Variants in PAPPA2 observed in about 807,000 individuals in gnomAD.
The protein encoded by PAPPA2 is pappalysin-2.
In PAPPA2, 86 loss-of-function variants were observed where a neutral mutation model predicts 176.4. The ratio of observed to expected loss-of-function variants is 0.49; its 90% CI spans 0.41 to 0.58. The LOEUF (loss-of-function observed/expected upper bound fraction) is 0.58. Ranked by LOEUF, PAPPA2 falls within the 20% of genes least tolerant of loss-of-function variation. PAPPA2 has a pLI of 0.00. For missense variants in PAPPA2, 2,073 were observed against 2,256.9 expected, an observed-to-expected ratio of 0.92 and a Z score of 1.65; for synonymous variants, 809 against 852.2, an observed-to-expected ratio of 0.95 and a Z score of 0.88.
intron 1 of PAPPA2, among the ~76,000 whole-genome samples, chr1:176,538,826 AT>A (rs1481164234): frequency 6.6e-6 from 1 of 152,230 alleles, no homozygotes; most frequent in Non-Finnish European, 1.5e-5. Flanking sequence ...AGGCAGACTC[AT>A]AAAAGAAGCC....
chr1:176,641,623 G>A (rs1489269510), intron 3 of PAPPA2, among the ~76,000 whole-genome samples: 1 of 152,110 alleles, frequency 6.6e-6, no homozygotes, highest in African/African-American at 2.4e-5. Flanking sequence ...GTCAGGTAGT[G>A]TGATGCCTCC....
chr1:176,555,160 T>C (rs1442938196), intron 1 of PAPPA2, among the ~76,000 whole-genome samples: 1 of 152,104 alleles, frequency 6.6e-6, no homozygotes, highest in East Asian at 1.9e-4. Context: ...CCCTGTGCCT[T>C]GGTGAGGTGG....
At chr1:176,554,000 C>G (rs1337673739) in intron 1 of PAPPA2, among the ~76,000 whole-genome samples, 1 of 151,472 alleles carries the variant, frequency 6.6e-6, no homozygotes, top group Non-Finnish European at 1.5e-5. Context: ...AAAACTGAGT[C>G]AAAAGTAAAG....
chr1:176,531,885 T>C (rs12025499), intron 1 of PAPPA2, among the ~76,000 whole-genome samples: 95,795 of 152,110 alleles, frequency 0.63, 31,883 homozygotes, highest in East Asian at 0.95. Flanking sequence ...CTGGCACATG[T>C]GGGCACTGAC....
chr1:176,661,359 CTA>C (rs1449950655), intron 3 of PAPPA2, among the ~76,000 whole-genome samples: 1 of 151,786 alleles, frequency 6.6e-6, no homozygotes. Flanking sequence ...ACATCTAGAA[CTA>C]TCTCTCAGAA....
chr1:176,536,747 G>A (rs1650083758), intron 1 of PAPPA2, among the ~76,000 whole-genome samples: 1 of 152,146 alleles, frequency 6.6e-6, no homozygotes, highest in African/African-American at 2.4e-5. Flanking sequence ...GGTCACATTT[G>A]CTAACATCCC....
rs561729834 is a variant in PAPPA2, at chr1:176,539,388, C to G, written c.-916-16019C>G. 7.2e-5 allele frequency among the ~76,000 whole-genome samples: 11 copies of G among 152,290 alleles called. No individual in the cohort carries two copies. The South Asian group carries it at 2.1e-3, about 29-fold the overall frequency. ...ATCCAGCAGGAGCCACAGATGCCAC[C>G]CTCAGCAGAGGAAATCCCTTACACA... is the stretch of plus-strand genomic sequence containing the variant. On this transcript the variant is annotated intron_variant, in intron 1 of 22. Coordinates refer to ENST00000367662, the MANE Select transcript of PAPPA2 (RefSeq NM_020318.3).
rs371073030 is a variant in PAPPA2 at position 176,664,282 on chromosome 1, A to T, written c.1992-6688A>T. Among the ~76,000 whole-genome samples the T allele has an allele frequency of 1.1e-4, 16 of 152,308 alleles. No homozygotes were observed. In the East Asian group the frequency reaches 1.4e-3, roughly 13 times the overall value. On this transcript the variant is annotated intron_variant, in intron 3 of 22. Coordinates refer to ENST00000367662, the MANE Select transcript of PAPPA2 (RefSeq NM_020318.3). ...AAGATCAGGATGTCAACAAGGCTGCATGCCTTTGTGGAAGTTCTAGAGGAC... is the reference window on the plus strand; with the variant it reads ...AAGATCAGGATGTCAACAAGGCTGCTTGCCTTTGTGGAAGTTCTAGAGGAC...
intron 6 of PAPPA2, among the ~76,000 whole-genome samples, chr1:176,692,690 T>C (rs1044755194): frequency 1.1e-4 from 17 of 152,192 alleles, no homozygotes; most frequent in Non-Finnish European, 5.9e-5. Context: ...GGGGAGGGAT[T>C]ACAGCATGCT....
chr1:176,712,095 T>G, intron 12 of PAPPA2, 114 bp downstream of exon 12: 1 of 1,303,722 alleles, frequency 7.7e-7, no homozygotes, highest in Non-Finnish European at 1.0e-6. Context: ...GAAAATTTTC[T>G]TTTGTTATCT....
chr1:176,606,754 T>C (rs1311935375), intron 3 of PAPPA2, among the ~76,000 whole-genome samples: 1 of 152,214 alleles, frequency 6.6e-6, no homozygotes, highest in Non-Finnish European at 1.5e-5. Flanking sequence ...TGAGCCACCA[T>C]GCCTGGCTGA....
chr1:176,583,922 G>T (rs1653133157), intron 2 of PAPPA2, among the ~76,000 whole-genome samples: 1 of 152,130 alleles, frequency 6.6e-6, no homozygotes, highest in African/African-American at 2.4e-5. Context: ...AGATGTGGTG[G>T]CATACACCTA....
At chr1:176,618,143 A>G (rs1182700040) in intron 3 of PAPPA2, among the ~76,000 whole-genome samples, 5 of 152,200 alleles carry the variant, frequency 3.3e-5, no homozygotes, top group African/African-American at 1.2e-4. Flanking sequence ...CCCAGTAAGT[A>G]CTGATTAGTG....
intron 4 of PAPPA2, among the ~76,000 whole-genome samples, chr1:176,676,646 A>G (rs577263568): frequency 1.3e-5 from 2 of 152,208 alleles, no homozygotes; most frequent in African/African-American, 4.8e-5. Flanking sequence ...AGCAGGTGGG[A>G]CATGTTAATA....
rs143345790 is a variant in PAPPA2 at position 176,495,926 on chromosome 1, C to G, written c.-917+32508C>G. 4.2e-3 allele frequency among the ~76,000 whole-genome samples: 639 copies of G among 152,056 alleles called. 6 individuals carry two copies. Among genetic ancestry groups the G allele is most frequent in the African/African-American group, 0.014 (583 of 41,460 alleles). On this transcript the variant is annotated intron_variant, in intron 1 of 22. Coordinates refer to ENST00000367662, the MANE Select transcript of PAPPA2 (RefSeq NM_020318.3). ...GGAAGTATAGGCATGAGCTATTATG[C>G]CTGGCTCTGCAGTGAATTTGTAGGA... is the stretch of plus-strand genomic sequence containing the variant.
chr1:176,795,329 C>G (rs139810393), intron 20 of PAPPA2, among the ~76,000 whole-genome samples: 1 of 152,086 alleles, frequency 6.6e-6, no homozygotes, highest in African/African-American at 2.4e-5. Flanking sequence ...TTCATTTCAT[C>G]TTTTACTCAG....
chr1:176,643,468 A>G (rs1657214419), intron 3 of PAPPA2, among the ~76,000 whole-genome samples: 2 of 150,810 alleles, frequency 1.3e-5, no homozygotes. Context: ...TTCTTTGTTC[A>G]CAGGCCATAT....
intron 1 of PAPPA2, among the ~76,000 whole-genome samples, chr1:176,481,741 G>C (rs1652413256): frequency 1.3e-5 from 2 of 152,178 alleles, no homozygotes; most frequent in Admixed American, 1.3e-4. Context: ...GTCTCACCCT[G>C]TCACCTAGGC....
intron 21 of PAPPA2, among the ~76,000 whole-genome samples, chr1:176,806,563 G>A (rs1248428447): frequency 6.6e-6 from 1 of 152,218 alleles, no homozygotes; most frequent in Non-Finnish European, 1.5e-5. Context: ...TGGCATGGTG[G>A]CAGAAACAAA....
Sources: gnomAD v4.1 joint callset for allele counts (sites outside exome capture counted in the v4.1 genomes callset) on GRCh38, gnomAD v4.1.1 for gene constraint, MANE v1.5 for transcripts, NCBI Gene and HGNC (gene_info 2026-07-23, HGNC 2026-07-21) for gene names.